Variants in SLCO1B3 observed in about 807,000 individuals in gnomAD.
SLCO1B3 encodes liver-specific organic anion transporter 2.
Under a neutral mutation model 71.8 loss-of-function variants are expected in SLCO1B3, and 72 were observed. The ratio of observed to expected loss-of-function variants is 1.00; its 90% CI spans 0.83 to 1.22. SLCO1B3 has a LOEUF of 1.22. Among genes scored for constraint, SLCO1B3 ranks in the 50% most tolerant of loss-of-function variants. The pLI is 0.00. For synonymous variants in SLCO1B3, 298 were observed against 278.4 expected (o/e 1.07, Z -0.70); for missense variants, 911 against 819.7 (o/e 1.11, Z -1.36).
chr12:20,855,044 T>C lies in SLCO1B3; in HGVS notation c.101T>C (p.Leu34Pro). Residue 34 changes from leucine (L) to proline (P), a missense_variant, in exon 4 of 16, where the codon CTG becomes CCG. Leu to Pro is a moderately conservative substitution (Grantham distance 98, BLOSUM62 -3). Coordinates refer to ENST00000381545, the MANE Select transcript of SLCO1B3 (RefSeq NM_019844.4). ...TGTTTTTAGATGTTCTTGGCAGCCCTGTCATTCAGCTATATTGCTAAAGCA... is the reference window on the plus strand; with the variant it reads ...TGTTTTTAGATGTTCTTGGCAGCCCCGTCATTCAGCTATATTGCTAAAGCA... ...CNGFKMFLAA[L>P]SFSYIAKALG... 1.2e-6 allele frequency: 2 copies of C among 1,610,842 alleles called. No homozygotes were observed. The highest frequency in any genetic ancestry group is 1.7e-6 in the Non-Finnish European group (2 of 1,179,550).
intron 15 of SLCO1B3, among the ~76,000 whole-genome samples, chr12:20,914,492 T>C (rs929482049): frequency 6.6e-6 from 1 of 152,090 alleles, no homozygotes; most frequent in African/African-American, 2.4e-5. Flanking sequence ...TGAATAAGCA[T>C]GTATATTATA....
At position 20,815,782 on chromosome 12, in the gene SLCO1B3, C is replaced by G. The variant is rs1864181660; in HGVS notation, c.44C>G (p.Ser15Cys). The change falls in exon 3 of 16, where the codon TCT becomes TGT. Residue 15 changes from serine to cysteine, a missense_variant. Physicochemically the swap from Ser to Cys is moderately radical, Grantham distance 112 (BLOSUM62 -1). Coordinates refer to ENST00000381545, the MANE Select transcript of SLCO1B3 (RefSeq NM_019844.4). ...TTGAATAAAACAGCAGAGTCAGCAT[C>G]TTCAGAGAAAAAGAAAACAAGACGC... ...QHLNKTAESA[S>C]SEKKKTRRCN... 5 of 1,598,524 alleles carry G rather than the reference C, an allele frequency of 3.1e-6. No individual in the cohort carries two copies. The highest frequency in any genetic ancestry group is 4.3e-6 in the Non-Finnish European group (5 of 1,171,488).
intron 15 of SLCO1B3, among the ~76,000 whole-genome samples, chr12:20,903,002 G>C (rs938815563): frequency 6.6e-6 from 1 of 151,674 alleles, no homozygotes; most frequent in Non-Finnish European, 1.5e-5. Context: ...GAACCTGGGA[G>C]GTGGAGGTGG....
chr12:20,859,199 C>T (rs1370328425), intron 5 of SLCO1B3, among the ~76,000 whole-genome samples: 1 of 152,108 alleles, frequency 6.6e-6, no homozygotes, highest in Non-Finnish European at 1.5e-5. Flanking sequence ...AGAACAAGAA[C>T]AAAGAGTGCA....
chr12:20,910,680 C>T (rs1261030365), intron 15 of SLCO1B3, among the ~76,000 whole-genome samples: 1 of 151,990 alleles, frequency 6.6e-6, no homozygotes, highest in Non-Finnish European at 1.5e-5. Flanking sequence ...ATATATTTTG[C>T]TAAATTTATA....
intron 15 of SLCO1B3, among the ~76,000 whole-genome samples, chr12:20,904,067 A>G (rs1463011436): frequency 6.6e-6 from 1 of 152,002 alleles, no homozygotes. Flanking sequence ...GTGAAACCTC[A>G]TCTTTACTAA....
At chr12:20,903,290 T>C (rs1225981180) in intron 15 of SLCO1B3, among the ~76,000 whole-genome samples, 12 of 152,138 alleles carry the variant, frequency 7.9e-5, no homozygotes, top group Admixed American at 7.9e-4. Context: ...CAAAAAAACC[T>C]GTACTTGAAT....
chr12:20,880,912 C>T lies in SLCO1B3; in HGVS notation c.1389C>T (p.Cys463=), dbSNP rs1865680432. The change falls in exon 12 of 16, where the codon TGC becomes TGT. Residue 463 remains cysteine (C), a synonymous_variant. Transcript: ENST00000381545. ...CACTTTCTTATTGCAACTCAGAGTG[C>T]AATTGTGATGAAAGTCAGTGGGAAC... ...DVPLSYCNSE[C]NCDESQWEPV... is the part of the protein sequence containing the mutation. 1.9e-6 allele frequency: 3 copies of T among 1,611,006 alleles called. No homozygotes were observed. Among genetic ancestry groups the T allele is most frequent in the Non-Finnish European group, 2.5e-6 (3 of 1,177,446 alleles).
intron 10 of SLCO1B3, 144 bp from the exon 11 acceptor site, chr12:20,879,292 T>A: frequency 5.4e-6 from 2 of 371,108 alleles, no homozygotes; most frequent in Non-Finnish European, 9.4e-6. Context: ...CACTGCAAGC[T>A]CCGCCTCCCA....
At chr12:20,882,682 G>A (rs1472835079) in intron 12 of SLCO1B3, among the ~76,000 whole-genome samples, 1 of 152,112 alleles carries the variant, frequency 6.6e-6, no homozygotes, top group Non-Finnish European at 1.5e-5. Flanking sequence ...GGGATTACAG[G>A]TGTGAGTGAC....
At chr12:20,854,683 G>T (rs956370327) in intron 3 of SLCO1B3, among the ~76,000 whole-genome samples, 3 of 152,068 alleles carry the variant, frequency 2.0e-5, no homozygotes, top group African/African-American at 7.2e-5. Flanking sequence ...AGTTAGCCAG[G>T]GCTATTCACA....
intron 9 of SLCO1B3, 98 bp downstream of exon 9, chr12:20,875,575 T>C: frequency 8.2e-7 from 1 of 1,218,600 alleles, no homozygotes; most frequent in East Asian, 2.5e-5. Flanking sequence ...TCATCTAGAG[T>C]CAGCTTTCTT....
At chr12:20,823,810 A>G (rs1864368193) in intron 3 of SLCO1B3, among the ~76,000 whole-genome samples, 1 of 152,156 alleles carries the variant, frequency 6.6e-6, no homozygotes. Context: ...GGACCAGTCA[A>G]AAAGTGACAT....
chr12:20,815,358 T>C (rs1361921442), intron 2 of SLCO1B3, among the ~76,000 whole-genome samples: 1 of 152,200 alleles, frequency 6.6e-6, no homozygotes, highest in Admixed American at 6.5e-5. Context: ...GTAGAAAATA[T>C]AAAAATTTTA....
At chr12:20,844,639 C>T (rs1278779299) in intron 3 of SLCO1B3, among the ~76,000 whole-genome samples, 3 of 151,946 alleles carry the variant, frequency 2.0e-5, no homozygotes, top group Non-Finnish European at 4.4e-5. Context: ...TGTTTATTTT[C>T]CATGTATTTG....
At chr12:20,914,335 C>T (rs138582915) in intron 15 of SLCO1B3, among the ~76,000 whole-genome samples, 2 of 152,086 alleles carry the variant, frequency 1.3e-5, no homozygotes, top group African/African-American at 4.8e-5. Flanking sequence ...ACATTTAGAA[C>T]TAATCCAAGT....
chr12:20,817,596 A>T (rs374764792), intron 3 of SLCO1B3, among the ~76,000 whole-genome samples: 1 of 150,926 alleles, frequency 6.6e-6, no homozygotes, highest in African/African-American at 2.4e-5. Context: ...CTATAGTATA[A>T]TTTTTTTTTG....
chr12:20,872,609 C>G (rs1865495589), intron 8 of SLCO1B3, among the ~76,000 whole-genome samples: 1 of 152,038 alleles, frequency 6.6e-6, no homozygotes, highest in South Asian at 2.1e-4. Context: ...TTTGGTACCA[C>G]TGCTGGTTAT....
In SLCO1B3 at chr12:20,877,820, T is replaced by C. The variant is rs771143376; in HGVS notation, c.1019T>C (p.Ile340Thr). Residue 340 changes from isoleucine (I) to threonine (T), a missense_variant, in exon 10 of 16, where the codon ATA (isoleucine) becomes ACA (threonine). Coordinates refer to ENST00000381545, the MANE Select transcript of SLCO1B3 (RefSeq NM_019844.4). ...ATCCTTACCAATCCCCTGTATGTTA[T>C]ATTTCTGCTTTTGACATTGTTACAA... ...KSILTNPLYV[I>T]FLLLTLLQVS... The C allele has an allele frequency of 2.0e-5, 32 of 1,570,684 alleles. No individual in the cohort carries two copies. Among genetic ancestry groups the C allele is most frequent in the Non-Finnish European group, 2.6e-5 (30 of 1,159,478 alleles).
Sources: gnomAD v4.1 joint callset for allele counts (sites outside exome capture counted in the v4.1 genomes callset) on GRCh38, gnomAD v4.1.1 for gene constraint, MANE v1.5 for transcripts, NCBI Gene and HGNC (gene_info 2026-07-23, HGNC 2026-07-21) for gene names.